Variants in OR6B3 observed in about 807,000 individuals in gnomAD.
OR6B3 encodes the protein olfactory receptor 6B3.
For synonymous variants in OR6B3, 148 were observed against 187.8 expected (o/e 0.79, Z 1.73); for missense variants, 315 against 427.4 (o/e 0.74, Z 2.32).
At chr2:240,052,904 T>G in the OR6B3 span, among the ~76,000 whole-genome samples, 2 of 152,138 alleles carry the variant, frequency 1.3e-5, no homozygotes, top group African/African-American at 4.8e-5. The surrounding 1 kb of genome is among the most constrained non-coding windows in gnomAD (Gnocchi z 4.5). Flanking sequence ...CTCCGCCTGC[T>G]GGGTTCAAGC....
At chr2:240,050,740 A>G (rs202240125), upstream of OR6B3, among the ~76,000 whole-genome samples, 448 of 12,616 alleles carry the variant, frequency 0.036, 1 homozygote, top group African/African-American at 0.25. Context: ...AAAAAAAAGG[A>G]AAAAAAAAAA....
Position 240,045,243 on chromosome 2 carries a change from A to C in OR6B3, c.830T>G (p.Leu277Trp), listed in dbSNP as rs199592854. Residue 277 changes from leucine to tryptophan, a missense_variant, in exon 2 of 2, where the codon TTG (leucine) becomes TGG (tryptophan). Coordinates refer to ENST00000641019, the Ensembl canonical transcript of OR6B3. ...CAAGATGGGGGTGATAACTGTGTAC[A>C]AAACAGAGATGAGCTTGTTGGAGCT... The C allele has an allele frequency of 1.4e-4, 232 of 1,614,130 alleles. 1 individual carries two copies. The highest frequency in any genetic ancestry group is 4.0e-5 in the African/African-American group (3 of 74,944).
upstream of OR6B3, among the ~76,000 whole-genome samples, chr2:240,051,531 T>C (rs1273313373): frequency 2.0e-5 from 3 of 152,202 alleles, no homozygotes; most frequent in Non-Finnish European, 2.9e-5. Context: ...CATGGGAAAG[T>C]CCCAATTCAT....
At chr2:240,045,530 A>G (rs1471665636) in exon 2 of OR6B3, 2 of 1,593,978 alleles carry the variant, frequency 1.3e-6, no homozygotes, top group Non-Finnish European at 1.7e-6. Flanking sequence ...GGATGGGGGA[A>G]ATGTCACAGA....
chr2:240,052,889 G>A, the OR6B3 span, among the ~76,000 whole-genome samples: 8 of 152,104 alleles, frequency 5.3e-5, no homozygotes, highest in East Asian at 3.9e-4. The surrounding 1 kb of genome is among the most constrained non-coding windows in gnomAD (Gnocchi z 4.5). Context: ...TCGGCTCACC[G>A]CAACCTCCGC....
upstream of OR6B3, among the ~76,000 whole-genome samples, chr2:240,048,297 T>C (rs532209489): frequency 3.3e-5 from 5 of 152,280 alleles, no homozygotes; most frequent in African/African-American, 9.6e-5. Context: ...GGCCCTTTGC[T>C]CACATCCTTT....
upstream of OR6B3, among the ~76,000 whole-genome samples, chr2:240,048,632 C>G (rs924133827): frequency 3.9e-5 from 6 of 152,094 alleles, no homozygotes; most frequent in Non-Finnish European, 8.8e-5. Context: ...AGAAACTCCA[C>G]AAGCCGTAGG....
chr2:240,046,792 G>T (rs1054560532), intron 1 of OR6B3, among the ~76,000 whole-genome samples, 160 bp downstream of exon 2: 2 of 152,194 alleles, frequency 1.3e-5, no homozygotes, highest in Non-Finnish European at 1.5e-5. Flanking sequence ...TTCTCGAGGG[G>T]CCTGTGGCTG....
chr2:240,046,188 T>A, intron 1 of OR6B3, 91 bp from the exon 3 acceptor site: 1 of 888,844 alleles, frequency 1.1e-6, no homozygotes, highest in Non-Finnish European at 1.7e-6. Context: ...AGTTTTGGTG[T>A]AAAGAGAGGC....
the OR6B3 span, among the ~76,000 whole-genome samples, chr2:240,052,851 G>A: frequency 6.6e-6 from 1 of 152,034 alleles, no homozygotes; most frequent in Admixed American, 6.6e-5. This position sits in a 1 kb window ranked among gnomAD's most constrained non-coding sequence, Gnocchi z 4.5. Context: ...TCACTCTGTT[G>A]CCCAGGCTGG....
exon 2 of OR6B3, chr2:240,045,289 G>T (rs1345237205): frequency 6.2e-7 from 1 of 1,614,238 alleles, no homozygotes; most frequent in Admixed American, 1.7e-5. Flanking sequence ...ATGGCCTGGG[G>T]CCGGACATAC....
At chr2:240,044,951 C>T, downstream of OR6B3, 2 of 805,690 alleles carry the variant, frequency 2.5e-6, no homozygotes, top group Non-Finnish European at 4.0e-6. Context: ...GGTATTACAA[C>T]ACCAACAACA....
downstream of OR6B3, chr2:240,044,993 T>A (rs1698159260): frequency 2.9e-6 from 4 of 1,369,900 alleles, no homozygotes; most frequent in South Asian, 4.3e-5. Context: ...ACCTCAGTTT[T>A]TTTCCTGAAG....
upstream of OR6B3, among the ~76,000 whole-genome samples, chr2:240,051,230 C>A (rs78911405): frequency 2.6e-5 from 4 of 152,124 alleles, no homozygotes; most frequent in Admixed American, 6.5e-5. Context: ...GCGCTATTTA[C>A]CAAGCACCTA....
upstream of OR6B3, among the ~76,000 whole-genome samples, chr2:240,047,217 G>A (rs1419041371): frequency 6.6e-6 from 1 of 152,118 alleles, no homozygotes; most frequent in Non-Finnish European, 1.5e-5. Context: ...AGGGATATAG[G>A]GCATAGGTTG....
chr2:240,044,652 G>A (rs1175611443), downstream of OR6B3, among the ~76,000 whole-genome samples: 4 of 152,256 alleles, frequency 2.6e-5, no homozygotes, highest in African/African-American at 9.6e-5. Context: ...GGCAGAGGGG[G>A]CATCCACCCA....
At chr2:240,048,293 T>C (rs1574919700), upstream of OR6B3, among the ~76,000 whole-genome samples, 1 of 152,196 alleles carries the variant, frequency 6.6e-6, no homozygotes, top group East Asian at 1.9e-4. Context: ...CCCTGGCCCT[T>C]TGCTCACATC....
upstream of OR6B3, among the ~76,000 whole-genome samples, chr2:240,048,328 C>A (rs766772792): frequency 6.6e-6 from 1 of 152,180 alleles, no homozygotes; most frequent in Non-Finnish European, 1.5e-5. Context: ...GAATGCCCCC[C>A]AGCCCCGTCC....
intron 1 of OR6B3, 91 bp downstream of exon 2, chr2:240,046,861 A>G (rs1223878313): frequency 6.6e-6 from 1 of 152,212 alleles, no homozygotes; most frequent in African/African-American, 2.4e-5. Flanking sequence ...ACATCCATTA[A>G]TCCTCACTAC....
Sources: gnomAD v4.1 joint callset for allele counts (sites outside exome capture counted in the v4.1 genomes callset) on GRCh38, gnomAD v4.1.1 for gene constraint, Gnocchi (gnomAD v3.1) non-coding constraint, MANE v1.5 for transcripts, NCBI Gene and HGNC (gene_info 2026-07-23, HGNC 2026-07-21) for gene names.